The following YAE1 variants were observed in gnomAD, a reference collection of about 807,000 sequenced individuals.
YAE1 encodes the protein protein YAE1 homolog.
A neutral mutation model predicts 23.0 loss-of-function variants in YAE1; 22 were observed. The ratio of observed to expected loss-of-function variants is 0.96; its 90% CI spans 0.68 to 1.37. The LOEUF is 1.37. Among genes scored for constraint, YAE1 ranks in the 40% most tolerant of loss-of-function variants. The pLI, the probability that YAE1 is intolerant of heterozygous loss-of-function variation, is 0.00. For synonymous variants in YAE1, 101 were observed against 97.0 expected (o/e 1.04, Z -0.24); for missense variants, 260 against 262.1 (o/e 0.99, Z 0.06).
At chr7:39,578,683 G>C (rs950693712) in intron 2 of YAE1, among the ~76,000 whole-genome samples, 1 of 152,032 alleles carries the variant, frequency 6.6e-6, no homozygotes, top group African/African-American at 2.4e-5. Flanking sequence ...AAGAAACTCC[G>C]AACACGTCTG....
exon 3 of YAE1, chr7:39,609,842 G>C: frequency 6.5e-7 from 1 of 1,533,058 alleles, no homozygotes; most frequent in Non-Finnish European, 8.7e-7. Flanking sequence ...GCCCTGGGAC[G>C]CCGAGCCACC....
At chr7:39,608,583 T>C (rs536470777) in intron 2 of YAE1, among the ~76,000 whole-genome samples, 32 of 152,334 alleles carry the variant, frequency 2.1e-4, no homozygotes, top group South Asian at 8.3e-4. Context: ...ATTTACAGAA[T>C]GACTGATTTG....
chr7:39,570,797 G>T, intron 2 of YAE1, 170 bp downstream of exon 2: 1 of 755,538 alleles, frequency 1.3e-6, no homozygotes, highest in Non-Finnish European at 2.0e-6. Flanking sequence ...ATCTTTATCA[G>T]CTCATCTACT....
At chr7:39,582,973 CGTAAAAAT>C (rs1562592304) in intron 2 of YAE1, among the ~76,000 whole-genome samples, 1 of 152,096 alleles carries the variant, frequency 6.6e-6, no homozygotes, top group Non-Finnish European at 1.5e-5. Flanking sequence ...TATACATTTA[CGTAAAAAT>C]CCCACTTCTA....
intron 2 of YAE1, among the ~76,000 whole-genome samples, chr7:39,589,698 A>G (rs1315190558): frequency 6.6e-6 from 1 of 152,218 alleles, no homozygotes; most frequent in South Asian, 2.1e-4. Flanking sequence ...TTCCGTAATT[A>G]AAGGTAATTT....
exon 3 of YAE1, chr7:39,609,726 G>T: frequency 6.5e-7 from 1 of 1,535,558 alleles, no homozygotes. Flanking sequence ...CATGGCGAGC[G>T]GGGCGACACC....
downstream of YAE1, among the ~76,000 whole-genome samples, chr7:39,577,395 G>T (rs543123681): frequency 1.3e-5 from 2 of 152,316 alleles, no homozygotes; most frequent in African/African-American, 4.8e-5. Flanking sequence ...CCCTCTCTGG[G>T]CTGGCCGAGG....
chr7:39,570,180 G>A, intron 1 of YAE1: 5 of 686,094 alleles, frequency 7.3e-6, no homozygotes, highest in Non-Finnish European at 1.2e-5. Flanking sequence ...GGAACTGCAA[G>A]ACTCCTGGAG....
chr7:39,599,357 G>GT (rs944515675), intron 2 of YAE1, among the ~76,000 whole-genome samples: 4 of 150,560 alleles, frequency 2.7e-5, no homozygotes, highest in African/African-American at 1.0e-4. Context: ...ATGTTGAAGT[G>GT]TTTTTTTGTT....
At chr7:39,584,017 G>C (rs1790780106) in intron 2 of YAE1, among the ~76,000 whole-genome samples, 1 of 152,110 alleles carries the variant, frequency 6.6e-6, no homozygotes, top group African/African-American at 2.4e-5. Context: ...ATTTGAATAA[G>C]CTGCAAGAGG....
chr7:39,609,664 G>A, exon 3 of YAE1: 1 of 1,535,708 alleles, frequency 6.5e-7, no homozygotes, highest in Non-Finnish European at 8.7e-7. Flanking sequence ...CCGCTGAGGA[G>A]TCCGGAGGTT....
intron 2 of YAE1, among the ~76,000 whole-genome samples, chr7:39,596,633 C>A (rs1216098181): frequency 2.0e-5 from 3 of 152,176 alleles, no homozygotes; most frequent in South Asian, 2.1e-4. Context: ...CACTCCCTGA[C>A]TCAGGCACCA....
chr7:39,608,882 T>C (rs1303085533), intron 2 of YAE1, among the ~76,000 whole-genome samples: 1 of 152,174 alleles, frequency 6.6e-6, no homozygotes, highest in Non-Finnish European at 1.5e-5. Flanking sequence ...AGTTATATAA[T>C]TAAAACAACC....
At chr7:39,610,852 T>C (rs955543135), downstream of YAE1, among the ~76,000 whole-genome samples, 2 of 152,076 alleles carry the variant, frequency 1.3e-5, no homozygotes, top group Non-Finnish European at 2.9e-5. Flanking sequence ...ATAGGAATCA[T>C]AAATTAGGAT....
At chr7:39,583,175 A>G (rs1050374504) in intron 2 of YAE1, among the ~76,000 whole-genome samples, 2 of 152,232 alleles carry the variant, frequency 1.3e-5, no homozygotes, top group African/African-American at 4.8e-5. Flanking sequence ...AAAAGTTATC[A>G]TTATGAGAAC....
chr7:39,612,089 A>T (rs920342040), downstream of YAE1, among the ~76,000 whole-genome samples: 6 of 149,674 alleles, frequency 4.0e-5, no homozygotes, highest in South Asian at 1.3e-3. Context: ...TACTTAAGTT[A>T]TTTGTTTACC....
At chr7:39,596,781 T>C (rs1562595597) in intron 2 of YAE1, among the ~76,000 whole-genome samples, 1 of 152,050 alleles carries the variant, frequency 6.6e-6, no homozygotes, top group Non-Finnish European at 1.5e-5. Context: ...ACTTTGTATC[T>C]TGGCCCTTAG....
At chr7:39,572,947 C>T, downstream of YAE1, 4 of 1,015,300 alleles carry the variant, frequency 3.9e-6, no homozygotes, top group Non-Finnish European at 4.9e-6. Context: ...CTGTCATTGA[C>T]ATTTCCAAAC....
At chr7:39,610,379 G>A (rs1791193996), downstream of YAE1, 5 of 461,194 alleles carry the variant, frequency 1.1e-5, no homozygotes, top group Admixed American at 2.4e-5. Context: ...CTCCAACTTT[G>A]CATCCTGAGA....
Sources: allele counts gnomAD v4.1 joint callset (sites outside exome capture counted in the v4.1 genomes callset), GRCh38; gene constraint gnomAD v4.1.1; transcripts MANE v1.5; gene names NCBI Gene and HGNC (gene_info 2026-07-23, HGNC 2026-07-21).